The following CAMTA1 variants were observed in gnomAD, a reference collection of about 807,000 sequenced individuals.
CAMTA1 encodes calmodulin-binding transcription activator 1.
CAMTA1 carries 27 observed loss-of-function variants against 170.9 expected under a neutral mutation model. That is an observed-to-expected ratio of 0.16 (90% CI 0.12 to 0.22). The LOEUF is 0.22. CAMTA1 is among the 10% of genes least tolerant of loss of function. The pLI is 1.00. For synonymous variants in CAMTA1, 833 were observed against 891.5 expected (o/e 0.93, Z 1.17); for missense variants, 1,619 against 2,217.2 (o/e 0.73, Z 5.42).
At chr1:7,259,227 C>T (rs886366854) in intron 5 of CAMTA1, among the ~76,000 whole-genome samples, 3 of 152,144 alleles carry the variant, frequency 2.0e-5, no homozygotes, top group East Asian at 3.8e-4. Flanking sequence ...CATGAAAGAG[C>T]GCCTTTCTGC....
intron 8 of CAMTA1, among the ~76,000 whole-genome samples, chr1:7,662,182 G>A (rs369115971): frequency 3.2e-4 from 48 of 152,352 alleles, no homozygotes; most frequent in African/African-American, 1.1e-3. Context: ...GGGCCTCTCT[G>A]TTCAGGCCCA....
chr1:7,337,960 A>G (rs541358432), intron 5 of CAMTA1, among the ~76,000 whole-genome samples: 3 of 147,418 alleles, frequency 2.0e-5, no homozygotes, highest in Non-Finnish European at 4.5e-5. Context: ...AGAAATAAAC[A>G]TGTATATATA....
chr1:7,447,424 C>CGGGGGGGGGGGGGG (rs2092707542), intron 5 of CAMTA1, among the ~76,000 whole-genome samples: 1 of 960 alleles, frequency 1.0e-3, no homozygotes, highest in Admixed American at 0.015. Flanking sequence ...TGAGTGGGGG[C>CGGGGGGGGGGGGGG]GGGGTGGGGG....
chr1:7,745,525 C>CA lies in CAMTA1; in HGVS notation c.4371-312dup, dbSNP rs957136075. Among the ~76,000 whole-genome samples, 10 of 151,074 alleles carry CA rather than the reference C, an allele frequency of 6.6e-5. No homozygotes were observed. The South Asian group carries it at 1.2e-3, about 19-fold the overall frequency. On this transcript the variant is annotated intron_variant, in intron 17 of 22. Coordinates refer to ENST00000303635, the MANE Select transcript of CAMTA1 (RefSeq NM_015215.4). Reference sequence around the variant, plus strand: ...TGCGCAACAGAGCAAGATTCTGTCTCAAAAAAAAGAAAAAAAAGAGAGATA... The same window carrying CA: ...TGCGCAACAGAGCAAGATTCTGTCTCAAAAAAAAAGAAAAAAAAGAGAGATA...
intron 5 of CAMTA1, among the ~76,000 whole-genome samples, chr1:7,437,824 G>A (rs962673907): frequency 1.3e-5 from 2 of 152,216 alleles, no homozygotes; most frequent in Admixed American, 6.5e-5. Context: ...GAGTACGACC[G>A]GCTCCTACAC....
At chr1:7,363,296 CA>C (rs941625695) in intron 5 of CAMTA1, among the ~76,000 whole-genome samples, 4 of 152,148 alleles carry the variant, frequency 2.6e-5, no homozygotes, top group African/African-American at 9.7e-5. Context: ...TATTTTGTAA[CA>C]CATTGAAATC....
At chr1:7,545,793 C>T (rs989352775) in intron 6 of CAMTA1, among the ~76,000 whole-genome samples, 2 of 152,060 alleles carry the variant, frequency 1.3e-5, no homozygotes, top group African/African-American at 4.8e-5. Context: ...CATCATTTAG[C>T]TATTAAGCCC....
At chr1:6,794,563 A>G (rs761953920) in intron 1 of CAMTA1, among the ~76,000 whole-genome samples, 26 of 152,216 alleles carry the variant, frequency 1.7e-4, no homozygotes, top group Non-Finnish European at 3.7e-4. Flanking sequence ...AGAAGAGAGA[A>G]TGTCCTTACA....
At chr1:7,654,749 A>G (rs1049446189) in intron 7 of CAMTA1, among the ~76,000 whole-genome samples, 1 of 78,506 alleles carries the variant, frequency 1.3e-5, no homozygotes, top group Non-Finnish European at 2.8e-5. Flanking sequence ...CTATACACAC[A>G]CATATACAAA....
At chr1:7,537,787 C>A (rs1276574198) in intron 6 of CAMTA1, among the ~76,000 whole-genome samples, 1 of 152,188 alleles carries the variant, frequency 6.6e-6, no homozygotes, top group Non-Finnish European at 1.5e-5. Context: ...CAGCAAATGC[C>A]CCCAAACCAT....
intron 3 of CAMTA1, among the ~76,000 whole-genome samples, chr1:7,038,093 G>A (rs1295661734): frequency 6.6e-6 from 1 of 152,102 alleles, no homozygotes; most frequent in Non-Finnish European, 1.5e-5. Context: ...TTCTCGTGAG[G>A]AGTTTACAAT....
intron 5 of CAMTA1, among the ~76,000 whole-genome samples, chr1:7,405,223 C>A (rs558049070): frequency 7.9e-5 from 12 of 152,168 alleles, no homozygotes; most frequent in Admixed American, 5.9e-4. Flanking sequence ...GGTAGAGGAC[C>A]AGGCTTGGGG....
chr1:7,586,967 C>T (rs1284487128), intron 6 of CAMTA1, among the ~76,000 whole-genome samples: 1 of 151,932 alleles, frequency 6.6e-6, no homozygotes, highest in East Asian at 1.9e-4. Flanking sequence ...TCAAAGTAGC[C>T]CAGATACACC....
chr1:7,513,421 A>G (rs114631481), intron 6 of CAMTA1, among the ~76,000 whole-genome samples: 1,817 of 152,226 alleles, frequency 0.012, 32 homozygotes, highest in African/African-American at 0.042. Flanking sequence ...AGCTTAAACA[A>G]CAGAATCTAC....
At chr1:7,467,009 C>T (rs954868939) in intron 5 of CAMTA1, among the ~76,000 whole-genome samples, 1 of 152,082 alleles carries the variant, frequency 6.6e-6, no homozygotes, top group South Asian at 2.1e-4. Flanking sequence ...GCTCTACACA[C>T]GCAGGCAGCA....
intron 9 of CAMTA1, among the ~76,000 whole-genome samples, chr1:7,667,741 ATGGCAGCC>A (rs113247920): frequency 2.0e-5 from 3 of 152,150 alleles, no homozygotes; most frequent in Non-Finnish European, 2.9e-5. Flanking sequence ...CAGGAACGCA[ATGGCAGCC>A]TGGCAGCCTG....
At chr1:7,158,020 G>A (rs1429757483) in intron 4 of CAMTA1, among the ~76,000 whole-genome samples, 2 of 152,106 alleles carry the variant, frequency 1.3e-5, no homozygotes, top group East Asian at 1.9e-4. Context: ...TTAGCCAGGC[G>A]TGGTGGTGGG....
intron 4 of CAMTA1, among the ~76,000 whole-genome samples, chr1:7,212,352 C>T (rs2412153): frequency 0.63 from 96,346 of 152,000 alleles, 31,423 homozygotes; most frequent in African/African-American, 0.79. Flanking sequence ...GATCCAGAGA[C>T]GTGTCACTGC....
At chr1:7,428,735 AC>A (rs1426508025) in intron 5 of CAMTA1, among the ~76,000 whole-genome samples, 1 of 142,568 alleles carries the variant, frequency 7.0e-6, no homozygotes, top group Non-Finnish European at 1.5e-5. Context: ...TGACTGCCCC[AC>A]CCCACCACCC....
Sources: gnomAD v4.1 joint callset for allele counts (sites outside exome capture counted in the v4.1 genomes callset) on GRCh38, gnomAD v4.1.1 for gene constraint, MANE v1.5 for transcripts, NCBI Gene and HGNC (gene_info 2026-07-23, HGNC 2026-07-21) for gene names.